CEP104: variants seen among roughly 807,000 people sequenced by gnomAD.
CEP104 encodes the protein centrosomal protein 104, also known as centrosomal protein of 104 kDa.
A neutral mutation model predicts 113.3 loss-of-function variants in CEP104; 84 were observed. The ratio of observed to expected loss-of-function variants is 0.74; its 90% CI spans 0.62 to 0.89. CEP104 has a LOEUF of 0.89. CEP104 is among the 40% of genes least tolerant of loss of function. CEP104 has a pLI of 0.00. For synonymous variants in CEP104, 378 were observed against 421.7 expected, an observed-to-expected ratio of 0.90 and a Z score of 1.27; for missense variants, 1,053 against 1,156.6, an observed-to-expected ratio of 0.91 and a Z score of 1.30.
chr1:3,826,449 A>G lies in CEP104; in HGVS notation c.2189-13T>C. The G allele has an allele frequency of 1.2e-6, 2 of 1,607,208 alleles. No homozygotes were observed. The highest frequency in any genetic ancestry group is 1.7e-4 in the Middle Eastern group (1 of 6,040). Reference sequence around the variant, plus strand: ...CCTCCTTGAATGTCTGAAGAGATTAAAACAATTTAAATAACTTTTTATAGA... The same window carrying G: ...CCTCCTTGAATGTCTGAAGAGATTAGAACAATTTAAATAACTTTTTATAGA... On this transcript the variant is annotated splice_polypyrimidine_tract_variant and intron_variant, in intron 16 of 21. Transcript: ENST00000378230.
In CEP104 at chr1:3,852,326, C is replaced by T. The variant is rs779566424; in HGVS notation, c.82G>A (p.Ala28Thr). The T allele has an allele frequency of 1.7e-5, 27 of 1,613,946 alleles. No individual in the cohort carries two copies. The highest frequency in any genetic ancestry group is 6.7e-5 in the East Asian group (3 of 44,900). The change falls in exon 2 of 22, where the codon GCG becomes ACG. Residue 28 changes from alanine to threonine, a missense_variant. Coordinates refer to ENST00000378230, the MANE Select transcript of CEP104 (RefSeq NM_014704.4). ...GFSARELMIH[A>T]PTVSGWRSPR... ...GACCGCCACCCACTGACAGTTGGCG[C>T]GTGGATCATGAGCTCCCGGGCACTG...
In CEP104 at chr1:3,823,145, C is replaced by T. The variant is rs572364545; in HGVS notation, c.2571+29G>A. 1 of 1,609,738 alleles carries T rather than the reference C, an allele frequency of 6.2e-7. No homozygotes were observed. Among genetic ancestry groups the T allele is most frequent in the African/African-American group, 1.3e-5 (1 of 74,936 alleles). ...CCATCCACAGGTGTGTCACCTACTT[C>T]ACTGGTCCCTTCTCCCCAGGCCCCT... On this transcript the variant is annotated intron_variant, in intron 20 of 21. Coordinates refer to ENST00000378230, the MANE Select transcript of CEP104 (RefSeq NM_014704.4). The surrounding 1 kb of genome is among the most constrained non-coding windows in gnomAD (Gnocchi z 4.1).
Position 3,831,028 on chromosome 1 carries a change from C to T in CEP104, c.1836+18G>A, listed in dbSNP as rs769272946. Reference sequence around the variant, plus strand: ...GAGTGCTGGGCCGCGTGGTGTGTCACACGCGAGGTCTGCTTACCTTCATCA... The same window carrying T: ...GAGTGCTGGGCCGCGTGGTGTGTCATACGCGAGGTCTGCTTACCTTCATCA... On this transcript the variant is annotated intron_variant, in intron 13 of 21. Transcript: ENST00000378230. 6.2e-7 allele frequency: 1 copy of T among 1,608,350 alleles called. No homozygotes were observed. The highest frequency in any genetic ancestry group is 1.1e-5 in the South Asian group (1 of 90,852).
At position 3,839,773 on chromosome 1, in the gene CEP104, T is replaced by C; in HGVS notation, c.570A>G (p.Lys190=). 6.2e-7 allele frequency: 1 copy of C among 1,608,750 alleles called. No homozygotes were observed. The highest frequency in any genetic ancestry group is 1.7e-4 in the Middle Eastern group (1 of 6,046). ...CATCTAGCGGAGAGATATAGTCAGATTTCCTAAAGGGAAGAAATGCATATT... is the reference window on the plus strand; with the variant it reads ...CATCTAGCGGAGAGATATAGTCAGACTTCCTAAAGGGAAGAAATGCATATT... ...DPALEGTYAR[K]SDYISPLDDL... Residue 190 remains lysine, a synonymous_variant, in exon 7 of 22, where the codon AAA becomes AAG. Transcript: ENST00000378230.
intron 2 of CEP104, among the ~76,000 whole-genome samples, chr1:3,849,105 T>C (rs892264286): frequency 6.6e-6 from 1 of 152,038 alleles, no homozygotes; most frequent in Admixed American, 6.6e-5. Context: ...GCGGCACTAG[T>C]GGGCAGGACG....
intron 1 of CEP104, among the ~76,000 whole-genome samples, chr1:3,853,695 C>T (rs1393959861): frequency 6.6e-6 from 1 of 152,096 alleles, no homozygotes; most frequent in Non-Finnish European, 1.5e-5. Flanking sequence ...GATAAACCAT[C>T]GAGATTCTAG....
chr1:3,825,656 C>T, intron 18 of CEP104, 102 bp downstream of exon 18: 1 of 766,368 alleles, frequency 1.3e-6, no homozygotes, highest in Non-Finnish European at 2.3e-6. Context: ...GCAACCTCTC[C>T]TCTGAAAATA....
At chr1:3,852,654 A>C (rs893045586) in intron 1 of CEP104, among the ~76,000 whole-genome samples, 4 of 152,212 alleles carry the variant, frequency 2.6e-5, no homozygotes, top group Non-Finnish European at 5.9e-5. Context: ...ATATGTGTCC[A>C]AAAAGTTTGA....
Position 3,837,369 on chromosome 1 carries a change from A to C in CEP104, c.1042T>G (p.Tyr348Asp). 6.2e-7 allele frequency: 1 copy of C among 1,614,216 alleles called. No individual in the cohort carries two copies. Among genetic ancestry groups the C allele is most frequent in the Non-Finnish European group, 8.5e-7 (1 of 1,180,028 alleles). ...TGCTGAGGAGAAATAGTTAGAGAAT[A>C]TGATGAAGGCTTTTCCTGAAGGAAA... ...EPFLQEKPSS[Y>D]SLTISPQHSA... Residue 348 changes from tyrosine (Y) to aspartate (D), a missense_variant, in exon 9 of 22, where the codon TAT (tyrosine) becomes GAT (aspartate). Physicochemically the swap from Tyr to Asp is radical, Grantham distance 160 (BLOSUM62 -3). Transcript: ENST00000378230.
intron 1 of CEP104, among the ~76,000 whole-genome samples, chr1:3,853,405 G>GA (rs35675178): frequency 6.7e-6 from 1 of 149,192 alleles, no homozygotes; most frequent in South Asian, 2.1e-4. Context: ...ATCATCGGGG[G>GA]AAAAAAAAAA....
Position 3,837,390 on chromosome 1 carries a change from G to A in CEP104, c.1021C>T (p.Leu341Phe), listed in dbSNP as rs372861320. 77 of 1,614,094 alleles carry A rather than the reference G, an allele frequency of 4.8e-5. No individual in the cohort carries two copies. The highest frequency in any genetic ancestry group is 8.0e-5 in the African/African-American group (6 of 74,932). Residue 341 changes from leucine to phenylalanine, a missense_variant, in exon 9 of 22, where the codon CTT becomes TTT. Leu to Phe is a conservative substitution (Grantham distance 22). Coordinates refer to ENST00000378230, the MANE Select transcript of CEP104 (RefSeq NM_014704.4). ...GTENQFAEPF[L>F]QEKPSSYSLT... ...GAATATGATGAAGGCTTTTCCTGAA[G>A]GAAAGGTTCTGCAAACTGGTTTTCT...
intron 3 of CEP104, among the ~76,000 whole-genome samples, chr1:3,847,908 C>T (rs1421895706): frequency 6.6e-6 from 1 of 152,072 alleles, no homozygotes; most frequent in African/African-American, 2.4e-5. Context: ...GATCTTGGCT[C>T]ATTCCAACCT....
intron 20 of CEP104, among the ~76,000 whole-genome samples, chr1:3,820,549 T>G (rs577020289): frequency 6.6e-6 from 1 of 152,370 alleles, no homozygotes; most frequent in East Asian, 1.9e-4. Flanking sequence ...TGGCGGCCTC[T>G]GTCCAGGGTT....
At chr1:3,835,190 T>C (rs1278786751) in intron 10 of CEP104, 98 bp from the exon 11 acceptor site, 3 of 888,806 alleles carry the variant, frequency 3.4e-6, no homozygotes, top group Non-Finnish European at 4.8e-6. Context: ...AAATGATTCA[T>C]TTCTAAGAAC....
intron 6 of CEP104, chr1:3,843,008 G>A: frequency 2.3e-6 from 1 of 430,850 alleles, no homozygotes; most frequent in Non-Finnish European, 4.2e-6. Flanking sequence ...GGCTGGTCTT[G>A]AATTCCTGAC....
At chr1:3,853,263 G>T (rs1198036825) in intron 1 of CEP104, among the ~76,000 whole-genome samples, 1 of 152,174 alleles carries the variant, frequency 6.6e-6, no homozygotes, top group East Asian at 1.9e-4. Context: ...GTACAAAAAG[G>T]TTCATGCAGA....
intron 20 of CEP104, among the ~76,000 whole-genome samples, chr1:3,817,047 G>C (rs986938780): frequency 3.9e-5 from 6 of 152,196 alleles, no homozygotes; most frequent in Non-Finnish European, 4.4e-5. Flanking sequence ...CAACACTCAC[G>C]AGGCTGGGCG....
Position 3,830,001 on chromosome 1 carries a change from A to T in CEP104, c.1837-4T>A, listed in dbSNP as rs759165676. ...GCTCCAGGGCACTCACTGAAAACTA[A>T]AGTTGGGAGGGGCTCTTGTTACTCA... On this transcript the variant is annotated splice_polypyrimidine_tract_variant and splice_region_variant and intron_variant, in intron 13 of 21. Coordinates refer to ENST00000378230, the MANE Select transcript of CEP104 (RefSeq NM_014704.4). 2 of 1,610,672 alleles carry T rather than the reference A, an allele frequency of 1.2e-6. No individual in the cohort carries two copies. The highest frequency in any genetic ancestry group is 1.3e-5 in the African/African-American group (1 of 74,828).
intron 6 of CEP104, 31 bp downstream of exon 6, chr1:3,844,876 G>C: frequency 6.4e-7 from 1 of 1,567,948 alleles, no homozygotes. Flanking sequence ...GAAAGTAAAA[G>C]AAGTTCATTG....
Sources: allele counts gnomAD v4.1 joint callset (sites outside exome capture counted in the v4.1 genomes callset), GRCh38; gene constraint gnomAD v4.1.1; non-coding constraint Gnocchi (gnomAD v3.1); transcripts MANE v1.5; gene names NCBI Gene and HGNC (gene_info 2026-07-23, HGNC 2026-07-21).